Variants in DHX8 observed in about 807,000 individuals in gnomAD.
DHX8 encodes the protein ATP-dependent RNA helicase DHX8.
Under a neutral mutation model 140.7 loss-of-function variants are expected in DHX8, and 67 were observed. The ratio of observed to expected loss-of-function variants is 0.48; its 90% CI spans 0.39 to 0.58. The LOEUF is 0.58. DHX8 is among the 20% of genes least tolerant of loss of function. The pLI is 0.00. For synonymous variants in DHX8, 533 were observed against 553.2 expected (o/e 0.96, Z 0.51); for missense variants, 887 against 1,550.7 (o/e 0.57, Z 7.19).
chr17:43,484,755 C>T (rs1226808214), intron 1 of DHX8, among the ~76,000 whole-genome samples: 1 of 152,166 alleles, frequency 6.6e-6, no homozygotes, highest in Non-Finnish European at 1.5e-5. Context: ...AGTCCTCCCA[C>T]CTCAGCCTCC....
At chr17:43,530,902 C>T (rs375949258), downstream of DHX8, among the ~76,000 whole-genome samples, 112 of 152,186 alleles carry the variant, frequency 7.4e-4, 2 homozygotes, top group East Asian at 0.02. Flanking sequence ...GGAGGGTGGG[C>T]TCATTCATGC....
chr17:43,525,511 A>G lies in DHX8; in HGVS notation c.*1664A>G. On this transcript the variant is annotated 3_prime_UTR_variant, in exon 23 of 23. Coordinates refer to ENST00000262415, the MANE Select transcript of DHX8 (RefSeq NM_004941.3). Reference sequence around the variant, plus strand: ...GTATTCGCCTTTGTAAGCCCAGGCCAGTAATCAAGGGGCAGGGCATTGTTG... The same window carrying G: ...GTATTCGCCTTTGTAAGCCCAGGCCGGTAATCAAGGGGCAGGGCATTGTTG... 1.0e-6 allele frequency: 1 copy of G among 985,466 alleles called. No individual in the cohort carries two copies. The highest frequency in any genetic ancestry group is 1.2e-6 in the Non-Finnish European group (1 of 829,958). The allele number at this position is 985,466 out of a possible 1,614,324, so 61.0% of individuals were successfully genotyped here. A position where few individuals can be genotyped will look rare whatever the true frequency, so the allele number is the denominator to read the frequency against.
chr17:43,529,971 G>T, downstream of DHX8: 1 of 1,614,110 alleles, frequency 6.2e-7, no homozygotes, highest in Non-Finnish European at 8.5e-7. Flanking sequence ...GGAAATTGGG[G>T]GTTGCTCAGA....
intron 3 of DHX8, chr17:43,536,519 T>C: frequency 6.3e-7 from 1 of 1,598,724 alleles, no homozygotes; most frequent in Non-Finnish European, 8.6e-7. Context: ...GGCGGAGCCC[T>C]GGTTGTCCCC....
At chr17:43,529,951 G>A (rs1970811694), downstream of DHX8, 1 of 1,614,060 alleles carries the variant, frequency 6.2e-7, no homozygotes, top group African/African-American at 1.3e-5. Flanking sequence ...CATAGCCATA[G>A]CCTTGTGGAG....
Position 43,519,744 on chromosome 17 carries a change from C to T in DHX8, c.2800-386C>T, listed in dbSNP as rs188545498. ...TCACTTGAGGTCAGGAGTTCAAGAC[C>T]AGCCCAGCCAACATGGTAAAACGCC... On this transcript the variant is annotated intron_variant, in intron 18 of 22. Transcript: ENST00000262415. The T allele has an allele frequency of 1.4e-3, 236 of 165,016 alleles. 2 individuals carry two copies. Among genetic ancestry groups the T allele is most frequent in the African/African-American group, 5.4e-3 (224 of 41,720 alleles). The allele number at this position is 165,016 out of a possible 1,614,324, so 10.2% of individuals were successfully genotyped here. A position where few individuals can be genotyped will look rare whatever the true frequency, so the allele number is the denominator to read the frequency against.
intron 16 of DHX8, among the ~76,000 whole-genome samples, chr17:43,510,585 AT>A (rs1969769183): frequency 6.6e-6 from 1 of 151,944 alleles, no homozygotes; most frequent in South Asian, 2.1e-4. Context: ...TGTATTTTTT[AT>A]TTGTATTTTT....
At chr17:43,511,638 A>G (rs1969843953) in intron 16 of DHX8, among the ~76,000 whole-genome samples, 2 of 149,864 alleles carry the variant, frequency 1.3e-5, no homozygotes, top group Middle Eastern at 3.4e-3. Context: ...TTGTATTTTT[A>G]GTAGAGACAG....
chr17:43,492,724 AACCGAGATCGAG>A lies in DHX8; in HGVS notation c.550_561del (p.Asp187_Arg190del). ...GAAGCGGAGTCGAAGCCGAGATCGA[AACCGAGATCGAG>A]ACAGAGATAGGGAACGAAACCGAGA... On this transcript the variant is annotated inframe_deletion, in exon 6 of 23. Transcript: ENST00000262415. The A allele has an allele frequency of 6.2e-7, 1 of 1,611,786 alleles. No individual in the cohort carries two copies. The highest frequency in any genetic ancestry group is 8.5e-7 in the Non-Finnish European group (1 of 1,177,920).
intron 3 of DHX8, among the ~76,000 whole-genome samples, chr17:43,543,218 C>T (rs1971612481): frequency 6.7e-6 from 1 of 150,096 alleles, no homozygotes; most frequent in Non-Finnish European, 1.5e-5. Context: ...CCCCACCCCA[C>T]CTCCCCACCC....
At position 43,492,899 on chromosome 17, in the gene DHX8, A is replaced by G. The variant is rs750440731; in HGVS notation, c.722A>G (p.Tyr241Cys). Residue 241 changes from tyrosine to cysteine, a missense_variant, in exon 6 of 23, where the codon TAT becomes TGT. By Grantham distance (194) the Tyr-to-Cys change is radical (BLOSUM62 -2). Transcript: ENST00000262415. ...AAAGACCGGAAGGACCGGGACAAAT[A>G]TGGAGAGCGGAATCTGGATAGATGG... ...PPKDRKDRDK[Y>C]GERNLDRWRD... 2 of 1,614,230 alleles carry G rather than the reference A, an allele frequency of 1.2e-6. No individual in the cohort carries two copies. Among genetic ancestry groups the G allele is most frequent in the Non-Finnish European group, 1.7e-6 (2 of 1,180,040 alleles).
At chr17:43,496,742 T>C (rs1033165752) in intron 9 of DHX8, among the ~76,000 whole-genome samples, 1 of 151,920 alleles carries the variant, frequency 6.6e-6, no homozygotes, top group Non-Finnish European at 1.5e-5. Flanking sequence ...ATCGCGCCAC[T>C]GTACTCCAGC....
chr17:43,488,610 TAAA>T (rs60524796), intron 1 of DHX8, among the ~76,000 whole-genome samples: 1 of 142,296 alleles, frequency 7.0e-6, no homozygotes. Context: ...GACTCTGTCT[TAAA>T]AAAAAAAAAA....
chr17:43,515,297 C>G (rs888786890), intron 17 of DHX8, among the ~76,000 whole-genome samples: 2 of 152,074 alleles, frequency 1.3e-5, no homozygotes, highest in African/African-American at 4.8e-5. Flanking sequence ...CAAGTGATTC[C>G]TCTGCCTCAG....
Position 43,520,124 on chromosome 17 carries a change from T to G in DHX8, c.2800-6T>G. On this transcript the variant is annotated splice_polypyrimidine_tract_variant and splice_region_variant and intron_variant, in intron 18 of 22. Transcript: ENST00000262415. ...TTATCACATGCCTTCTTCCTTTCTGTTCTAGGCCATGGGTATCAATGATCT... is the reference window on the plus strand; with the variant it reads ...TTATCACATGCCTTCTTCCTTTCTGGTCTAGGCCATGGGTATCAATGATCT... The G allele has an allele frequency of 6.2e-7, 1 of 1,614,158 alleles. No homozygotes were observed. The highest frequency in any genetic ancestry group is 8.5e-7 in the Non-Finnish European group (1 of 1,180,006).
At chr17:43,539,255 T>C (rs1317691436) in intron 3 of DHX8, among the ~76,000 whole-genome samples, 1 of 152,216 alleles carries the variant, frequency 6.6e-6, no homozygotes, top group Non-Finnish European at 1.5e-5. Flanking sequence ...TCTGGTCTCC[T>C]TTCTAGCCCT....
rs55664499 is a variant in DHX8, at chr17:43,539,511, G to A, written c.*20+3013G>A. Among the ~76,000 whole-genome samples, 1,057 of 152,286 alleles carry A rather than the reference G, an allele frequency of 6.9e-3. 16 individuals are homozygous for A. Among genetic ancestry groups the A allele is most frequent in the African/African-American group, 0.023 (964 of 41,564 alleles). Reference sequence around the variant, plus strand: ...GTTATCTACCTATCTCCTCCACCAGGAAGTTAAGCTCTGTGAGGGCAAGAG... The same window carrying A: ...GTTATCTACCTATCTCCTCCACCAGAAAGTTAAGCTCTGTGAGGGCAAGAG... On this transcript the variant is annotated intron_variant, in intron 3 of 3. Coordinates refer to the DHX8 transcript ENST00000589898.
chr17:43,533,159 T>C (rs755730563), intron 2 of DHX8: 97 of 1,609,466 alleles, frequency 6.0e-5, no homozygotes, highest in Non-Finnish European at 8.0e-5. Context: ...CCTGGGCCCA[T>C]GAGCAGTGGG....
intron 5 of DHX8, 126 bp from the exon 6 acceptor site, chr17:43,492,555 A>C: frequency 1.5e-6 from 1 of 652,936 alleles, no homozygotes; most frequent in East Asian, 2.7e-5. Flanking sequence ...TAGTTATTGA[A>C]ACTCTAATTC....
Sources: gnomAD v4.1 joint callset for allele counts (sites outside exome capture counted in the v4.1 genomes callset) on GRCh38, gnomAD v4.1.1 for gene constraint, MANE v1.5 for transcripts, NCBI Gene and HGNC (gene_info 2026-07-23, HGNC 2026-07-21) for gene names.